FBXO41: variants seen among roughly 807,000 people sequenced by gnomAD.
FBXO41 encodes F-box only protein 41.
Under a neutral mutation model 81.6 loss-of-function variants are expected in FBXO41, and 33 were observed. That is an observed-to-expected ratio of 0.40 (90% confidence interval 0.31 to 0.54). The LOEUF (loss-of-function observed/expected upper bound fraction) is 0.54, where lower values mean the gene tolerates loss of function less well. Ranked by LOEUF, FBXO41 falls within the 20% of genes least tolerant of loss-of-function variation. The pLI, the probability that FBXO41 is intolerant of heterozygous loss-of-function variation, is 0.39. For synonymous variants in FBXO41, 576 were observed against 552.7 expected, an observed-to-expected ratio of 1.04 and a Z score of -0.59; for missense variants, 1,107 against 1,236.0, an observed-to-expected ratio of 0.90 and a Z score of 1.56.
In FBXO41 at chr2:73,264,340, C is replaced by T. The variant is rs142820235; in HGVS notation, c.1744G>A (p.Val582Met). ...GTCCAGACTGCGGGGTGGCGGGCCA[C>T]GAAGCGCCAGTCCCGGCAGACCTCG... ...AAEVCRDWRF[V>M]ARHPAVWTRV... The change falls in exon 6 of 13, where the codon GTG (valine) becomes ATG (methionine). Residue 582 changes from valine (V) to methionine (M), a missense_variant. Val to Met is a conservative substitution (Grantham distance 21). Transcript: ENST00000520530. 26 of 1,613,676 alleles carry T rather than the reference C, an allele frequency of 1.6e-5. No individual in the cohort carries two copies. Among genetic ancestry groups the T allele is most frequent in the Middle Eastern group, 1.6e-4 (1 of 6,062 alleles).
Position 73,264,412 on chromosome 2 carries a change from A to G in FBXO41, c.1672T>C (p.Phe558Leu). ...PEILKMRAAL[F>L]CIFTYLDTRT... Reference sequence around the variant, plus strand: ...GTGTCCAGGTAGGTGAAGATGCAGAAGAGGGCAGCTCGCATCTTCAGGATC... The same window carrying G: ...GTGTCCAGGTAGGTGAAGATGCAGAGGAGGGCAGCTCGCATCTTCAGGATC... Residue 558 changes from phenylalanine (F) to leucine (L), a missense_variant, in exon 6 of 13, where the codon TTC (phenylalanine) becomes CTC (leucine). Transcript: ENST00000520530. 1 of 1,613,948 alleles carries G rather than the reference A, an allele frequency of 6.2e-7. No individual in the cohort carries two copies. Among genetic ancestry groups the G allele is most frequent in the Non-Finnish European group, 8.5e-7 (1 of 1,179,896 alleles).
At position 73,263,236 on chromosome 2, in the gene FBXO41, G is replaced by A. The variant is rs1688083927; in HGVS notation, c.2148C>T (p.Leu716=). 1 of 1,557,226 alleles carries A rather than the reference G, an allele frequency of 6.4e-7. No individual in the cohort carries two copies. Among genetic ancestry groups the A allele is most frequent in the Non-Finnish European group, 8.7e-7 (1 of 1,150,106 alleles). ...ACCAGGGGTGAAGTGGTGCCACTTG[G>A]AGGGAGACGATCTCTCTGCAGCCTG... ...LGAGCREIVS[L]QVAPLHPCQQ... The change falls in exon 9 of 13, where the codon CTC becomes CTT. Residue 716 remains leucine, a synonymous_variant. Transcript: ENST00000520530.
chr2:73,269,607 G>T lies in FBXO41; in HGVS notation c.24C>A (p.Tyr8Ter). 1 of 1,294,192 alleles carries T rather than the reference G, an allele frequency of 7.7e-7. No homozygotes were observed. The highest frequency in any genetic ancestry group is 1.8e-5 in the South Asian group (1 of 54,748). 80.2% of individuals were successfully genotyped at this position (1,294,192 alleles called of 1,614,324 possible). The change falls in exon 2 of 13, where the codon TAC (tyrosine) becomes TAA (stop). Residue 8 changes from tyrosine (Y) to a stop codon, truncating the protein, a stop_gained. Transcript: ENST00000520530. LOFTEE classifies it high-confidence loss of function. This position sits in a 1 kb window ranked among gnomAD's most constrained non-coding sequence, Gnocchi z 7.0. MASLDLPYRCPRCGEHKR... is the reference protein window; with the variant it reads MASLDLP ...TGTGCTCCCCGCAGCGGGGGCAGCG[G>T]TACGGCAGGTCCAGCGAGGCCATGG...
At position 73,264,019 on chromosome 2, in the gene FBXO41, G is replaced by A; in HGVS notation, c.1841C>T (p.Ala614Val). 1 of 1,601,476 alleles carries A rather than the reference G, an allele frequency of 6.2e-7. No homozygotes were observed. Among genetic ancestry groups the A allele is most frequent in the Non-Finnish European group, 8.5e-7 (1 of 1,173,788 alleles). The change falls in exon 7 of 13, where the codon GCC becomes GTC. Residue 614 changes from alanine (A) to valine (V), a missense_variant. Around this residue, in one of 2 missense-constraint regions of FBXO41, gnomAD observed 336 missense variants for 446.7 expected, o/e 0.75. Coordinates refer to ENST00000520530, the MANE Select transcript of FBXO41 (RefSeq NM_001371389.2). The stretch of plus-strand genomic sequence containing the variant: ...CAAGTTCTGCAGCGTCAGAGAGTGG[G>A]CCTGGGTGCACCACTGAGCCAGCAT... ...LAMLAQWCTQ[A>V]HSLTLQNLKP...
Position 73,269,587 on chromosome 2 carries a change from T to C in FBXO41, c.44A>G (p.Glu15Gly). The C allele has an allele frequency of 1.5e-6, 2 of 1,324,152 alleles. No homozygotes were observed. Among genetic ancestry groups the C allele is most frequent in the Non-Finnish European group, 1.9e-6 (2 of 1,026,992 alleles). The allele number at this position is 1,324,152 out of a possible 1,614,324, so 82.0% of individuals were successfully genotyped here. ...DLPYRCPRCG[E>G]HKRFRSLSSL... ...CGACAGGCTCCGGAAGCGCTTGTGCTCCCCGCAGCGGGGGCAGCGGTACGG... is the reference window on the plus strand; with the variant it reads ...CGACAGGCTCCGGAAGCGCTTGTGCCCCCCGCAGCGGGGGCAGCGGTACGG... Residue 15 changes from glutamate (E) to glycine (G), a missense_variant, in exon 2 of 13, where the codon GAG becomes GGG. By Grantham distance (98) the Glu-to-Gly change is moderately conservative (BLOSUM62 -2). Transcript: ENST00000520530. This position sits in a 1 kb window ranked among gnomAD's most constrained non-coding sequence, Gnocchi z 7.0.
At chr2:73,278,986 G>C (rs879599233) in intron 1 of FBXO41, among the ~76,000 whole-genome samples, 2 of 152,222 alleles carry the variant, frequency 1.3e-5, no homozygotes, top group Non-Finnish European at 2.9e-5. Context: ...GGCTTGATCA[G>C]ATTTACAGTT....
rs1047020727 is a variant in FBXO41, at chr2:73,269,184, C to T, written c.447G>A (p.Glu149=). ...PAAAARYALR[E]IEIPLGELFA... is the part of the protein sequence containing the mutation. ...ACAGCTCCCCCAGCGGGATCTCGAT[C>T]TCGCGCAGCGCATAGCGCGCTGCTG... Residue 149 remains glutamate, a synonymous_variant, in exon 2 of 13, where the codon GAG becomes GAA. Coordinates refer to ENST00000520530, the MANE Select transcript of FBXO41 (RefSeq NM_001371389.2). This position sits in a 1 kb window ranked among gnomAD's most constrained non-coding sequence, Gnocchi z 7.0. The T allele has an allele frequency of 3.9e-6, 6 of 1,528,538 alleles. No homozygotes were observed. Among genetic ancestry groups the T allele is most frequent in the Non-Finnish European group, 5.3e-6 (6 of 1,141,522 alleles). The allele number at this position is 1,528,538 out of a possible 1,614,324, so 94.7% of individuals were successfully genotyped here. A position where few individuals can be genotyped will look rare whatever the true frequency, so the allele number is the denominator to read the frequency against.
intron 1 of FBXO41, among the ~76,000 whole-genome samples, chr2:73,283,180 T>C (rs923953594): frequency 1.3e-5 from 2 of 152,160 alleles, no homozygotes; most frequent in Non-Finnish European, 2.9e-5. Flanking sequence ...ATTAGGCCCC[T>C]GTGGGTGGGG....
intron 1 of FBXO41, among the ~76,000 whole-genome samples, chr2:73,275,322 G>A (rs1188486047): frequency 6.6e-6 from 1 of 151,942 alleles, no homozygotes; most frequent in East Asian, 1.9e-4. Flanking sequence ...AGCTGGGATT[G>A]CAAGCACCCA....
At position 73,266,085 on chromosome 2, in the gene FBXO41, G is replaced by C; in HGVS notation, c.1132-119C>G. On this transcript the variant is annotated intron_variant, in intron 3 of 12. Coordinates refer to ENST00000520530, the MANE Select transcript of FBXO41 (RefSeq NM_001371389.2). The surrounding 1 kb of genome is among the most constrained non-coding windows in gnomAD (Gnocchi z 5.3). ...GGAGATGGGGGAGAGGAGAGAGAAG[G>C]GAAAATAGTTGGGAAAGATGGACAA... is the stretch of plus-strand genomic sequence containing the variant. 3.4e-6 allele frequency: 3 copies of C among 872,640 alleles called. No individual in the cohort carries two copies. Among genetic ancestry groups the C allele is most frequent in the South Asian group, 1.6e-5 (1 of 61,200 alleles). The allele number at this position is 872,640 out of a possible 1,614,324, so 54.1% of individuals were successfully genotyped here.
chr2:73,278,370 C>G (rs1419650020), intron 1 of FBXO41, among the ~76,000 whole-genome samples: 1 of 152,222 alleles, frequency 6.6e-6, no homozygotes, highest in Non-Finnish European at 1.5e-5. Flanking sequence ...CCCTTGCAAT[C>G]AAGTGTCCTA....
intron 2 of FBXO41, 145 bp downstream of exon 2, chr2:73,268,581 C>A (rs770598837): frequency 2.4e-5 from 18 of 747,964 alleles, no homozygotes; most frequent in Non-Finnish European, 3.1e-5. Flanking sequence ...ACACTCTTGG[C>A]CCCACATGCA....
At chr2:73,271,046 G>A (rs562292213) in intron 1 of FBXO41, 190 of 419,830 alleles carry the variant, frequency 4.5e-4, no homozygotes, top group Non-Finnish European at 7.9e-4. Context: ...CTTCCTAAAC[G>A]TCCTCATTCC....
At chr2:73,280,052 T>C (rs1205590746) in intron 1 of FBXO41, among the ~76,000 whole-genome samples, 1 of 152,040 alleles carries the variant, frequency 6.6e-6, no homozygotes, top group Non-Finnish European at 1.5e-5. Flanking sequence ...ACATTCTTTC[T>C]CATGGCTCCC....
chr2:73,264,747 G>A (rs1413338059), intron 5 of FBXO41, among the ~76,000 whole-genome samples: 1 of 152,066 alleles, frequency 6.6e-6, no homozygotes, highest in Admixed American at 6.5e-5. Context: ...CCTTTTTAAG[G>A]TTATATATCA....
chr2:73,264,723 C>T (rs1688168086), intron 5 of FBXO41, among the ~76,000 whole-genome samples: 1 of 152,096 alleles, frequency 6.6e-6, no homozygotes, highest in South Asian at 2.1e-4. Flanking sequence ...AAAAGGCATC[C>T]CTTGTGTAAA....
rs1044357562 is a variant in FBXO41, at chr2:73,266,644, G to A, written c.944C>T (p.Ala315Val). The A allele has an allele frequency of 2.5e-6, 4 of 1,603,774 alleles. No homozygotes were observed. The highest frequency in any genetic ancestry group is 2.2e-5 in the East Asian group (1 of 44,494). Residue 315 changes from alanine (A) to valine (V), a missense_variant, in exon 3 of 13, where the codon GCG becomes GTG. Coordinates refer to ENST00000520530, the MANE Select transcript of FBXO41 (RefSeq NM_001371389.2). The surrounding 1 kb of genome is among the most constrained non-coding windows in gnomAD (Gnocchi z 5.3). Reference sequence around the variant, plus strand: ...CAGCTTGGCGCTGGCCTCCCGCGCCGCCGTCTCCTTCAGGAACTGGTCGAT... The same window carrying A: ...CAGCTTGGCGCTGGCCTCCCGCGCCACCGTCTCCTTCAGGAACTGGTCGAT... ...VQIDQFLKET[A>V]AREASAKLRL...
chr2:73,269,819 T>G lies in FBXO41; in HGVS notation c.-138-51A>C. On this transcript the variant is annotated intron_variant, in intron 1 of 12. Coordinates refer to ENST00000520530, the MANE Select transcript of FBXO41 (RefSeq NM_001371389.2). The surrounding 1 kb of genome is among the most constrained non-coding windows in gnomAD (Gnocchi z 7.0). ...GAAGAGGGTATCGCTGCTCCCACCC[T>G]GGCTCCCAGCCCGGAGCCCTCATCC... 4.4e-6 allele frequency: 1 copy of G among 228,054 alleles called. No individual in the cohort carries two copies. 14.1% of individuals were successfully genotyped at this position (228,054 alleles called of 1,614,324 possible).
At chr2:73,267,313 A>G (rs1243411796) in intron 2 of FBXO41, among the ~76,000 whole-genome samples, 1 of 152,196 alleles carries the variant, frequency 6.6e-6, no homozygotes, top group Non-Finnish European at 1.5e-5. Context: ...CCACCGACAC[A>G]GTCAAACATA....
Sources: allele counts gnomAD v4.1 joint callset (sites outside exome capture counted in the v4.1 genomes callset), GRCh38; gene constraint gnomAD v4.1.1; regional missense constraint gnomAD v4.1.1; non-coding constraint Gnocchi (gnomAD v3.1); transcripts MANE v1.5; gene names NCBI Gene and HGNC (gene_info 2026-07-23, HGNC 2026-07-21).